The following SORCS1 variants were observed in gnomAD, a reference collection of about 807,000 sequenced individuals.
SORCS1 encodes VPS10 domain-containing receptor SorCS1.
SORCS1 carries 60 observed loss-of-function variants against 146.1 expected under a neutral mutation model. The ratio of observed to expected loss-of-function variants is 0.41; its 90% CI spans 0.33 to 0.51. The LOEUF is 0.51. Among genes scored for constraint, SORCS1 ranks in the 20% least tolerant of loss-of-function variants. The pLI, the probability that SORCS1 is intolerant of heterozygous loss-of-function variation, is 0.21. For synonymous variants in SORCS1, 637 were observed against 584.0 expected (o/e 1.09, Z -1.31); for missense variants, 1,352 against 1,487.6 (o/e 0.91, Z 1.50).
intron 1 of SORCS1, among the ~76,000 whole-genome samples, chr10:106,979,267 C>G (rs1956157751): frequency 6.6e-6 from 1 of 152,112 alleles, no homozygotes; most frequent in Admixed American, 6.6e-5. Context: ...TAGTTACCCA[C>G]TCCAGAAAAA....
chr10:106,836,996 G>T (rs1948817104), intron 2 of SORCS1, among the ~76,000 whole-genome samples: 1 of 152,182 alleles, frequency 6.6e-6, no homozygotes, highest in South Asian at 2.1e-4. Context: ...ACATGTATTA[G>T]TTGGACTCCT....
rs1006511081 is a variant in SORCS1, at chr10:106,640,891, T to C, written c.2475+11491A>G. Among the ~76,000 whole-genome samples, 5 of 152,366 alleles carry C rather than the reference T, an allele frequency of 3.3e-5. 1 individual carries two copies. The highest frequency in any genetic ancestry group is 4.4e-5 in the Non-Finnish European group (3 of 68,024). On this transcript the variant is annotated intron_variant, in intron 18 of 25. Coordinates refer to ENST00000263054, the MANE Select transcript of SORCS1 (RefSeq NM_052918.5). ...GTCCGGCATCTTAGACTCAACTTTA[T>C]GGACTTCTCTACTCCTCTTCCAGTT...
chr10:107,159,378 C>T (rs1969537219), intron 1 of SORCS1, among the ~76,000 whole-genome samples: 1 of 152,166 alleles, frequency 6.6e-6, no homozygotes, highest in South Asian at 2.1e-4. Flanking sequence ...TGCCATTTTA[C>T]AGAGGATGAA....
At chr10:106,852,884 G>T (rs906020412) in intron 2 of SORCS1, among the ~76,000 whole-genome samples, 2 of 152,090 alleles carry the variant, frequency 1.3e-5, no homozygotes, top group African/African-American at 4.8e-5. Context: ...TTGGATTGAG[G>T]GGTTTTGCAT....
chr10:107,155,574 G>A (rs1174424351), intron 1 of SORCS1, among the ~76,000 whole-genome samples: 1 of 152,212 alleles, frequency 6.6e-6, no homozygotes, highest in African/African-American at 2.4e-5. Context: ...AAACCAGGGT[G>A]CTGAATGTGC....
rs187061307 is a variant in SORCS1, at chr10:107,111,210, T to C, written c.558+52759A>G. On this transcript the variant is annotated intron_variant, in intron 1 of 25. Transcript: ENST00000263054. ...CCACCAAAGGAAACTATGAACATTC[T>C]ATAATTGACTCCAAAGAAATGGAGA... Among the ~76,000 whole-genome samples the C allele has an allele frequency of 2.0e-5, 3 of 152,316 alleles. No homozygotes were observed. The East Asian group carries it at 5.8e-4, about 29-fold the overall frequency.
intron 5 of SORCS1, among the ~76,000 whole-genome samples, chr10:106,747,810 C>T (rs1486605567): frequency 6.6e-6 from 1 of 152,094 alleles, no homozygotes. Context: ...ATAGAATGAT[C>T]CCAGCCCAAA....
intron 1 of SORCS1, among the ~76,000 whole-genome samples, chr10:107,025,328 G>T (rs890071171): frequency 6.6e-6 from 1 of 152,150 alleles, no homozygotes; most frequent in African/African-American, 2.4e-5. Context: ...CCCAATAAAT[G>T]CTAGCTTGGG....
At chr10:106,801,592 G>C (rs1419539003) in intron 3 of SORCS1, among the ~76,000 whole-genome samples, 2 of 149,564 alleles carry the variant, frequency 1.3e-5, no homozygotes, top group African/African-American at 4.9e-5. Flanking sequence ...GCAGTGGTGG[G>C]ATCTCGGCTC....
intron 3 of SORCS1, among the ~76,000 whole-genome samples, chr10:106,822,548 T>C (rs529360152): frequency 6.6e-6 from 1 of 152,258 alleles, no homozygotes; most frequent in South Asian, 2.1e-4. Flanking sequence ...AGATGCAGCA[T>C]GCTTTCTTGG....
intron 12 of SORCS1, among the ~76,000 whole-genome samples, chr10:106,678,751 T>C (rs940124895): frequency 2.0e-5 from 3 of 152,304 alleles, no homozygotes; most frequent in South Asian, 2.1e-4. Flanking sequence ...CTCTAACATA[T>C]GCATCCTGAT....
chr10:106,687,355 G>T (rs1336925228), intron 10 of SORCS1, among the ~76,000 whole-genome samples: 1 of 152,062 alleles, frequency 6.6e-6, no homozygotes, highest in Non-Finnish European at 1.5e-5. Context: ...TCTATATACT[G>T]CCCAAATGTA....
At chr10:106,849,904 C>G (rs891041935) in intron 2 of SORCS1, among the ~76,000 whole-genome samples, 2 of 152,176 alleles carry the variant, frequency 1.3e-5, no homozygotes, top group African/African-American at 4.8e-5. Flanking sequence ...GCTCGGGGGT[C>G]AGGGGTCAGG....
At chr10:107,012,488 C>G (rs1316709339) in intron 1 of SORCS1, among the ~76,000 whole-genome samples, 3 of 152,102 alleles carry the variant, frequency 2.0e-5, no homozygotes, top group Non-Finnish European at 4.4e-5. Flanking sequence ...TATGCTAGCA[C>G]TTTTTATATA....
At chr10:106,772,283 T>C (rs1006541634) in intron 4 of SORCS1, among the ~76,000 whole-genome samples, 3 of 152,106 alleles carry the variant, frequency 2.0e-5, no homozygotes, top group Non-Finnish European at 2.9e-5. Context: ...TCTCAGGACT[T>C]TGGACTTGGA....
chr10:107,147,204 T>A (rs548546129), intron 1 of SORCS1, among the ~76,000 whole-genome samples: 1 of 152,372 alleles, frequency 6.6e-6, no homozygotes, highest in African/African-American at 2.4e-5. Flanking sequence ...TTATCACAAA[T>A]GCAATTTTAT....
At chr10:106,962,189 C>T (rs187047526) in intron 1 of SORCS1, among the ~76,000 whole-genome samples, 68 of 152,006 alleles carry the variant, frequency 4.5e-4, no homozygotes, top group African/African-American at 1.4e-3. Context: ...CACCTGAGGT[C>T]GGGAGTTCAA....
chr10:106,972,406 A>T (rs1955825473), intron 1 of SORCS1, among the ~76,000 whole-genome samples: 1 of 151,520 alleles, frequency 6.6e-6, no homozygotes, highest in African/African-American at 2.4e-5. Context: ...AAAAATTAGA[A>T]TTCCCCTTCT....
intron 12 of SORCS1, among the ~76,000 whole-genome samples, chr10:106,677,653 AG>A (rs1421438061): frequency 1.3e-5 from 2 of 152,220 alleles, no homozygotes; most frequent in Non-Finnish European, 2.9e-5. Flanking sequence ...GTTCATGCTT[AG>A]ATTCCTTCAT....
Sources: gnomAD v4.1 joint callset for allele counts (sites outside exome capture counted in the v4.1 genomes callset) on GRCh38, gnomAD v4.1.1 for gene constraint, MANE v1.5 for transcripts, NCBI Gene and HGNC (gene_info 2026-07-23, HGNC 2026-07-21) for gene names.